Variants in NEDD4L observed in about 807,000 individuals in gnomAD.
NEDD4L encodes NEDD4 like E3 ubiquitin protein ligase.
In NEDD4L, 54 loss-of-function variants were observed where a neutral mutation model predicts 148.9. The ratio of observed to expected loss-of-function variants is 0.36; its 90% CI spans 0.29 to 0.45. The LOEUF (loss-of-function observed/expected upper bound fraction) is 0.45. Among genes scored for constraint, NEDD4L ranks in the 20% least tolerant of loss-of-function variants. The pLI, the probability that NEDD4L is intolerant of heterozygous loss-of-function variation, is 1.00. For missense variants in NEDD4L, 856 were observed against 1,233.8 expected (o/e 0.69, Z 4.59); for synonymous variants, 433 against 440.7 (o/e 0.98, Z 0.22).
chr18:58,104,846 C>T (rs2084970531), intron 1 of NEDD4L, among the ~76,000 whole-genome samples: 1 of 151,676 alleles, frequency 6.6e-6, no homozygotes, highest in Non-Finnish European at 1.5e-5. Flanking sequence ...TTCACTACAC[C>T]CCCGCCCCCC....
chr18:58,382,769 C>G (rs1202709391), intron 24 of NEDD4L, among the ~76,000 whole-genome samples: 2 of 152,196 alleles, frequency 1.3e-5, no homozygotes, highest in African/African-American at 4.8e-5. Context: ...TCTCTTCAGC[C>G]TGGATCCTTA....
chr18:58,330,364 GTGTT>G (rs1219582371), intron 10 of NEDD4L, among the ~76,000 whole-genome samples: 1 of 152,196 alleles, frequency 6.6e-6, no homozygotes, highest in East Asian at 1.9e-4. Context: ...GTGTGTGTGT[GTGTT>G]TGTTTTTTTG....
chr18:58,201,948 C>T (rs919678508), intron 2 of NEDD4L, among the ~76,000 whole-genome samples: 4 of 152,208 alleles, frequency 2.6e-5, no homozygotes, highest in Admixed American at 2.6e-4. Context: ...TATTGATGGA[C>T]ACTTGAGTTA....
At chr18:58,261,845 G>A (rs960318292) in intron 5 of NEDD4L, among the ~76,000 whole-genome samples, 2 of 152,092 alleles carry the variant, frequency 1.3e-5, no homozygotes, top group African/African-American at 2.4e-5. Flanking sequence ...TCCTAAATAC[G>A]TTTTTACCTT....
intron 1 of NEDD4L, among the ~76,000 whole-genome samples, chr18:58,130,088 C>T (rs1044547446): frequency 1.8e-4 from 23 of 129,244 alleles, no homozygotes; most frequent in Admixed American, 3.2e-4. Flanking sequence ...GGAACTGTGG[C>T]GGTGTTGGGC....
At chr18:58,207,441 C>A (rs2042088135) in intron 2 of NEDD4L, among the ~76,000 whole-genome samples, 1 of 151,890 alleles carries the variant, frequency 6.6e-6, no homozygotes, top group South Asian at 2.1e-4. Context: ...TTAAGGCAGG[C>A]AGGGTAATAT....
intron 1 of NEDD4L, among the ~76,000 whole-genome samples, chr18:58,124,304 A>G (rs1355665249): frequency 6.6e-6 from 1 of 152,096 alleles, no homozygotes; most frequent in Admixed American, 6.5e-5. Context: ...GCCTGCCCTC[A>G]TCTTCCTCCG....
At chr18:58,125,319 C>T (rs1284987965) in intron 1 of NEDD4L, among the ~76,000 whole-genome samples, 1 of 151,938 alleles carries the variant, frequency 6.6e-6, no homozygotes, top group Non-Finnish European at 1.5e-5. Flanking sequence ...TAAGCCTGGG[C>T]TCTTAACTGT....
At chr18:58,097,856 A>G (rs1456581846) in intron 1 of NEDD4L, among the ~76,000 whole-genome samples, 1 of 152,008 alleles carries the variant, frequency 6.6e-6, no homozygotes, top group Non-Finnish European at 1.5e-5. Context: ...ACATAGCTAG[A>G]CCCCATCTCT....
chr18:58,382,697 G>A (rs1292349892), intron 24 of NEDD4L, among the ~76,000 whole-genome samples: 2 of 152,122 alleles, frequency 1.3e-5, no homozygotes, highest in East Asian at 3.9e-4. Context: ...AAGCTTCAGG[G>A]CAGATGAGTG....
At chr18:58,082,102 A>ATATATATTTT in intron 1 of NEDD4L, among the ~76,000 whole-genome samples, 27 of 48,824 alleles carry the variant, frequency 5.5e-4, no homozygotes, top group South Asian at 1.0e-3. Flanking sequence ...ATATATATAT[A>ATATATATTTT]TTTTTTTTTT....
At chr18:58,123,284 C>T (rs945500852) in intron 1 of NEDD4L, among the ~76,000 whole-genome samples, 6 of 152,170 alleles carry the variant, frequency 3.9e-5, no homozygotes, top group Non-Finnish European at 5.9e-5. Context: ...ATTTTAGTGA[C>T]CCTTTTTAGA....
In NEDD4L at chr18:58,387,513, CATT is replaced by C; in HGVS notation, c.2547+19_2547+21del. On this transcript the variant is annotated intron_variant, in intron 27 of 30. Transcript: ENST00000400345. ...ATGAGCTGGAGGTTTGTATTATAAA[CATT>C]ATTTTATGTAAAGTGGATTTTTTAA... The C allele has an allele frequency of 6.5e-7, 1 of 1,529,434 alleles. No homozygotes were observed. Among genetic ancestry groups the C allele is most frequent in the Non-Finnish European group, 8.8e-7 (1 of 1,136,038 alleles). The allele number at this position is 1,529,434 out of a possible 1,614,324, so 94.7% of individuals were successfully genotyped here.
At chr18:58,089,280 C>T (rs1411895354) in intron 1 of NEDD4L, among the ~76,000 whole-genome samples, 1 of 151,762 alleles carries the variant, frequency 6.6e-6, no homozygotes, top group Non-Finnish European at 1.5e-5. Flanking sequence ...ATTACAGGTG[C>T]ATGCCACCAT....
Position 58,337,916 on chromosome 18 carries a change from A to G in NEDD4L, c.1125+2379A>G, listed in dbSNP as rs368269025. Among the ~76,000 whole-genome samples, 3 of 152,322 alleles carry G rather than the reference A, an allele frequency of 2.0e-5. No homozygotes were observed. In the East Asian group the frequency reaches 5.8e-4, roughly 29 times the overall value. On this transcript the variant is annotated intron_variant, in intron 13 of 30. Coordinates refer to ENST00000400345, the MANE Select transcript of NEDD4L (RefSeq NM_001144967.3). Reference sequence around the variant, plus strand: ...AGTGGTGTCACTTTCTGGCAGACTAAGCCAGGGCCCTCCCCATGAGATAAA... The same window carrying G: ...AGTGGTGTCACTTTCTGGCAGACTAGGCCAGGGCCCTCCCCATGAGATAAA...
intron 9 of NEDD4L, among the ~76,000 whole-genome samples, chr18:58,326,818 C>G (rs2059351250): frequency 6.6e-6 from 1 of 152,222 alleles, no homozygotes; most frequent in African/African-American, 2.4e-5. Flanking sequence ...ATAATTGCTA[C>G]TTTCTCTGCC....
At chr18:58,281,272 G>T (rs1408682050) in intron 5 of NEDD4L, among the ~76,000 whole-genome samples, 1 of 150,860 alleles carries the variant, frequency 6.6e-6, no homozygotes, top group Non-Finnish European at 1.5e-5. Flanking sequence ...GCTGCTGTAA[G>T]CTGCTGTGCC....
chr18:58,388,887 C>T (rs994338651), intron 27 of NEDD4L, 198 bp from the exon 28 acceptor site: 1 of 599,840 alleles, frequency 1.7e-6, no homozygotes, highest in Non-Finnish European at 3.0e-6. Flanking sequence ...ATTGAGCTGC[C>T]CTCGTGACTG....
In NEDD4L at chr18:58,385,903, C is replaced by T. The variant is rs148782294; in HGVS notation, c.2487+317C>T. On this transcript the variant is annotated intron_variant, in intron 26 of 30. Coordinates refer to ENST00000400345, the MANE Select transcript of NEDD4L (RefSeq NM_001144967.3). Reference sequence around the variant, plus strand: ...AGAACCATTGTCTTGGAGTTTCAGGCGGTACCCAAGAGAAGGCTGCCTTTT... The same window carrying T: ...AGAACCATTGTCTTGGAGTTTCAGGTGGTACCCAAGAGAAGGCTGCCTTTT... 7.2e-5 allele frequency among the ~76,000 whole-genome samples: 11 copies of T among 152,080 alleles called. No individual in the cohort carries two copies. The East Asian group carries it at 1.5e-3, about 21-fold the overall frequency.
Sources: gnomAD v4.1 joint callset for allele counts (sites outside exome capture counted in the v4.1 genomes callset) on GRCh38, gnomAD v4.1.1 for gene constraint, MANE v1.5 for transcripts, NCBI Gene and HGNC (gene_info 2026-07-23, HGNC 2026-07-21) for gene names.